The following TBC1D19 variants were observed in gnomAD, a reference collection of about 807,000 sequenced individuals.
TBC1D19 encodes TBC1 domain family member 19.
Under a neutral mutation model 89.0 loss-of-function variants are expected in TBC1D19, and 60 were observed. The observed-to-expected ratio is 0.67, with a 90% CI of 0.55 to 0.84. TBC1D19 has a LOEUF of 0.84. Ranked by LOEUF, TBC1D19 falls within the 40% of genes least tolerant of loss-of-function variation. The pLI is 0.00. For missense variants in TBC1D19, 500 were observed against 610.8 expected (o/e 0.82, Z 1.91); for synonymous variants, 189 against 199.7 (o/e 0.95, Z 0.45).
chr4:26,834,175 G>A, the TBC1D19 span, among the ~76,000 whole-genome samples: 1 of 152,022 alleles, frequency 6.6e-6, no homozygotes, highest in Admixed American at 6.6e-5. Flanking sequence ...GTTTCCTGAG[G>A]CCTCCCCAGC....
intron 1 of TBC1D19, among the ~76,000 whole-genome samples, chr4:26,584,698 G>T (rs1739312234): frequency 6.6e-6 from 1 of 152,124 alleles, no homozygotes; most frequent in African/African-American, 2.4e-5. Context: ...CCTGTGGGTG[G>T]ACTTGGGCCC....
chr4:26,804,558 G>A, the TBC1D19 span, among the ~76,000 whole-genome samples: 14 of 152,340 alleles, frequency 9.2e-5, no homozygotes, highest in South Asian at 1.0e-3. Flanking sequence ...CAGTAGGACC[G>A]CGGCTAAATG....
the TBC1D19 span, among the ~76,000 whole-genome samples, chr4:26,814,092 T>G: frequency 3.9e-5 from 6 of 151,994 alleles, no homozygotes; most frequent in Non-Finnish European, 8.8e-5. Context: ...AGCCCACACC[T>G]CGTAAGCAGC....
At chr4:26,727,600 A>G (rs921922874) in intron 15 of TBC1D19, among the ~76,000 whole-genome samples, 9 of 152,312 alleles carry the variant, frequency 5.9e-5, no homozygotes, top group East Asian at 1.9e-4. Context: ...GTGCAACCCA[A>G]TGAAGTTGAT....
chr4:26,705,174 T>C (rs1444134249), intron 13 of TBC1D19, among the ~76,000 whole-genome samples: 1 of 152,178 alleles, frequency 6.6e-6, no homozygotes, highest in African/African-American at 2.4e-5. Flanking sequence ...GTAAATATTC[T>C]GGTTATTAAT....
In TBC1D19 at chr4:26,633,334, T is replaced by C. The variant is rs1009008647; in HGVS notation, c.295-3877T>C. On this transcript the variant is annotated intron_variant, in intron 4 of 20. Transcript: ENST00000264866. ...GAATTAGAGACGTTGTGTTTGAGGGTAAGTAGACCAATTTGATATCTTCTG... is the reference window on the plus strand; with the variant it reads ...GAATTAGAGACGTTGTGTTTGAGGGCAAGTAGACCAATTTGATATCTTCTG... Among the ~76,000 whole-genome samples, 4 of 152,088 alleles carry C rather than the reference T, an allele frequency of 2.6e-5. No individual in the cohort carries two copies. In the South Asian group the frequency reaches 8.3e-4, roughly 31 times the overall value.
chr4:26,634,377 C>T (rs1027526825), intron 4 of TBC1D19, among the ~76,000 whole-genome samples: 19 of 152,070 alleles, frequency 1.2e-4, no homozygotes, highest in Admixed American at 7.9e-4. Flanking sequence ...TGTGAGACTG[C>T]GAGAGATCAC....
chr4:26,594,332 G>T (rs1740046605), intron 1 of TBC1D19, among the ~76,000 whole-genome samples: 2 of 152,100 alleles, frequency 1.3e-5, no homozygotes, highest in African/African-American at 4.8e-5. Flanking sequence ...ACACACGGAG[G>T]CCTGTTGTGG....
At chr4:26,761,699 T>G in the TBC1D19 span, among the ~76,000 whole-genome samples, 3 of 152,326 alleles carry the variant, frequency 2.0e-5, no homozygotes. Context: ...TCTTATGCAC[T>G]GACTAGAACT....
the TBC1D19 span, among the ~76,000 whole-genome samples, chr4:26,853,241 C>G: frequency 1.3e-5 from 2 of 152,250 alleles, no homozygotes; most frequent in Non-Finnish European, 2.9e-5. Flanking sequence ...CCACATACAT[C>G]CTTTCCCCAA....
the TBC1D19 span, among the ~76,000 whole-genome samples, chr4:26,831,667 C>T: frequency 2.0e-5 from 3 of 149,142 alleles, no homozygotes; most frequent in East Asian, 2.0e-4. Context: ...ACTGCAAGCT[C>T]GGCCTCCTGA....
At chr4:26,767,518 G>T in the TBC1D19 span, among the ~76,000 whole-genome samples, 1 of 152,122 alleles carries the variant, frequency 6.6e-6, no homozygotes, top group Non-Finnish European at 1.5e-5. Context: ...TCAGGGTAGA[G>T]CCACCATGAT....
intron 13 of TBC1D19, among the ~76,000 whole-genome samples, chr4:26,695,700 T>A (rs1390636255): frequency 6.6e-6 from 1 of 152,170 alleles, no homozygotes; most frequent in East Asian, 1.9e-4. Flanking sequence ...TGGGGGCCAA[T>A]ATTCAACATT....
chr4:26,833,106 A>G, the TBC1D19 span, among the ~76,000 whole-genome samples: 1 of 152,220 alleles, frequency 6.6e-6, no homozygotes, highest in Non-Finnish European at 1.5e-5. Context: ...GCCCACTGCC[A>G]TCAAGGAGGT....
At chr4:26,583,572 G>A (rs531886791), upstream of TBC1D19, among the ~76,000 whole-genome samples, 1 of 152,080 alleles carries the variant, frequency 6.6e-6, no homozygotes, top group East Asian at 1.9e-4. Flanking sequence ...CTTATTCCTG[G>A]TATAAGACTC....
intron 13 of TBC1D19, among the ~76,000 whole-genome samples, chr4:26,697,276 G>T (rs878866882): frequency 6.6e-6 from 1 of 152,080 alleles, no homozygotes; most frequent in African/African-American, 2.4e-5. Flanking sequence ...ATAAATTCCT[G>T]GACACAAACA....
At chr4:26,590,857 G>A (rs1247304723) in intron 1 of TBC1D19, among the ~76,000 whole-genome samples, 7 of 81,378 alleles carry the variant, frequency 8.6e-5, no homozygotes, top group Admixed American at 4.2e-4. Flanking sequence ...TGTTTGTCTC[G>A]CTAGGCTGGT....
At chr4:26,651,068 G>A (rs1234211297) in intron 7 of TBC1D19, among the ~76,000 whole-genome samples, 3 of 152,108 alleles carry the variant, frequency 2.0e-5, no homozygotes, top group Admixed American at 6.5e-5. Context: ...CTGTTCCATT[G>A]GTCTATATCT....
At chr4:26,618,428 T>A (rs1259608168) in intron 3 of TBC1D19, among the ~76,000 whole-genome samples, 1 of 151,958 alleles carries the variant, frequency 6.6e-6, no homozygotes, top group African/African-American at 2.4e-5. Flanking sequence ...GCTCAGAGAT[T>A]TAGAAATGGA....
Sources: gnomAD v4.1 joint callset for allele counts (sites outside exome capture counted in the v4.1 genomes callset) on GRCh38, gnomAD v4.1.1 for gene constraint, MANE v1.5 for transcripts, NCBI Gene and HGNC (gene_info 2026-07-23, HGNC 2026-07-21) for gene names.